Variants in PRELID2 observed in about 807,000 individuals in gnomAD.
The protein encoded by PRELID2 is PRELI domain containing 2.
Under a neutral mutation model 28.4 loss-of-function variants are expected in PRELID2, and 25 were observed. That is an observed-to-expected ratio of 0.88 (90% CI 0.64 to 1.23). The LOEUF (loss-of-function observed/expected upper bound fraction) is 1.23, where lower values mean the gene tolerates loss of function less well. PRELID2 is among the 50% of genes most tolerant of loss of function. PRELID2 has a pLI of 0.00. For missense variants in PRELID2, 201 were observed against 214.4 expected (o/e 0.94, Z 0.39); for synonymous variants, 76 against 71.6 (o/e 1.06, Z -0.31).
intron 1 of PRELID2, among the ~76,000 whole-genome samples, chr5:145,621,084 A>C (rs1753768078): frequency 6.6e-6 from 1 of 152,226 alleles, no homozygotes; most frequent in South Asian, 2.1e-4. Context: ...CTTACTACTC[A>C]GTAAAAAGAC....
chr5:145,335,597 A>G, the PRELID2 span, among the ~76,000 whole-genome samples: 2 of 152,206 alleles, frequency 1.3e-5, no homozygotes, highest in African/African-American at 4.8e-5. Context: ...TTGAGTGACC[A>G]TTTGAGTCAT....
chr5:145,661,183 A>G (rs1029282033), intron 1 of PRELID2, among the ~76,000 whole-genome samples: 1 of 152,056 alleles, frequency 6.6e-6, no homozygotes, highest in Non-Finnish European at 1.5e-5. Flanking sequence ...GGTACAAAAC[A>G]CTCTAGAATA....
At chr5:145,818,887 C>T (rs1054895468) in intron 3 of PRELID2, among the ~76,000 whole-genome samples, 7 of 152,154 alleles carry the variant, frequency 4.6e-5, no homozygotes, top group African/African-American at 1.4e-4. Context: ...CCTCCCAAAT[C>T]TCATCTTGAA....
chr5:145,562,144 A>T (rs1393881281), intron 1 of PRELID2, among the ~76,000 whole-genome samples: 1 of 152,238 alleles, frequency 6.6e-6, no homozygotes, highest in Non-Finnish European at 1.5e-5. Context: ...TAGTGGCAAA[A>T]GATGGCTTGT....
intron 4 of PRELID2, among the ~76,000 whole-genome samples, chr5:145,806,436 A>C (rs1753515302): frequency 6.6e-6 from 1 of 152,188 alleles, no homozygotes; most frequent in Admixed American, 6.5e-5. Context: ...GAAAGTCTTC[A>C]GGGGCAATAA....
intron 1 of PRELID2, among the ~76,000 whole-genome samples, chr5:145,629,278 G>C (rs1024332888): frequency 1.3e-5 from 2 of 152,220 alleles, no homozygotes; most frequent in Non-Finnish European, 2.9e-5. Context: ...TATGAGGAGA[G>C]AGTATGAGTA....
At chr5:145,640,656 A>AAAAG (rs1186055427) in intron 1 of PRELID2, among the ~76,000 whole-genome samples, 3 of 151,784 alleles carry the variant, frequency 2.0e-5, no homozygotes, top group South Asian at 2.1e-4. Context: ...AAAAAAAAAA[A>AAAAG]AAATAGAAGA....
chr5:145,572,376 A>C (rs190239382), intron 1 of PRELID2, among the ~76,000 whole-genome samples: 3 of 152,176 alleles, frequency 2.0e-5, no homozygotes, highest in Non-Finnish European at 4.4e-5. Flanking sequence ...TAACTTCCTC[A>C]GAATAAATCC....
intron 1 of PRELID2, among the ~76,000 whole-genome samples, chr5:145,668,618 T>G (rs1000007813): frequency 6.6e-6 from 1 of 152,124 alleles, no homozygotes; most frequent in Non-Finnish European, 1.5e-5. Context: ...TGTTGGGCAC[T>G]GGGCTAAGCA....
At chr5:145,240,716 C>T in the PRELID2 span, among the ~76,000 whole-genome samples, 3 of 151,978 alleles carry the variant, frequency 2.0e-5, no homozygotes, top group African/African-American at 7.2e-5. Flanking sequence ...TTTAAAGGCT[C>T]CTGTTGCTTA....
the PRELID2 span, among the ~76,000 whole-genome samples, chr5:145,239,509 T>C: frequency 6.6e-6 from 1 of 152,052 alleles, no homozygotes; most frequent in Non-Finnish European, 1.5e-5. Context: ...TTACTGAGAT[T>C]CCTCCTGAAG....
At chr5:145,347,462 A>C in the PRELID2 span, among the ~76,000 whole-genome samples, 1 of 152,186 alleles carries the variant, frequency 6.6e-6, no homozygotes, top group Non-Finnish European at 1.5e-5. Flanking sequence ...TTCCTCAAAA[A>C]TAGGGCAGAT....
intron 1 of PRELID2, among the ~76,000 whole-genome samples, chr5:145,524,849 A>G (rs559825567): frequency 5.9e-5 from 9 of 152,162 alleles, no homozygotes; most frequent in Non-Finnish European, 1.3e-4. Context: ...TTCCTCCTCT[A>G]CAAAACAGAA....
intron 1 of PRELID2, among the ~76,000 whole-genome samples, chr5:145,572,969 T>G (rs1753027693): frequency 6.6e-6 from 1 of 152,176 alleles, no homozygotes; most frequent in Non-Finnish European, 1.5e-5. Context: ...AGCCCTCTCC[T>G]GGATAGTCCA....
chr5:145,493,792 T>G (rs1176656744), intron 1 of PRELID2, among the ~76,000 whole-genome samples: 1 of 152,202 alleles, frequency 6.6e-6, no homozygotes, highest in Non-Finnish European at 1.5e-5. Flanking sequence ...ATGAGGCTTC[T>G]CCTAAAATCC....
chr5:145,757,025 A>C lies in PRELID2; in HGVS notation c.*3511T>G, dbSNP rs1305057749. Among the ~76,000 whole-genome samples, 1 of 152,208 alleles carries C rather than the reference A, an allele frequency of 6.6e-6. No homozygotes were observed. Among genetic ancestry groups the C allele is most frequent in the Non-Finnish European group, 1.5e-5 (1 of 68,036 alleles). On this transcript the variant is annotated 3_prime_UTR_variant, in exon 7 of 7. Transcript: ENST00000683046. ...GAAAAGATTTAATTATCCCCAGTAG[A>C]CTGTGTTTGCAAAAGCAGAGAAATG...
chr5:145,493,030 C>T (rs78970793), intron 1 of PRELID2, among the ~76,000 whole-genome samples: 12,053 of 140,410 alleles, frequency 0.086, 2,666 homozygotes, highest in Non-Finnish European at 0.12. Context: ...CACTATGCTG[C>T]TTAGGTTTGG....
At chr5:145,745,129 T>A (rs1409172772) in intron 1 of PRELID2, among the ~76,000 whole-genome samples, 2 of 151,930 alleles carry the variant, frequency 1.3e-5, no homozygotes, top group Non-Finnish European at 2.9e-5. Context: ...AAGACCATCT[T>A]GCTGAAATAA....
chr5:145,293,611 A>G, the PRELID2 span, among the ~76,000 whole-genome samples: 11 of 152,158 alleles, frequency 7.2e-5, no homozygotes. Context: ...CTGGTGATAA[A>G]AGGGGTTGAA....
Sources: allele counts gnomAD v4.1 joint callset (sites outside exome capture counted in the v4.1 genomes callset), GRCh38; gene constraint gnomAD v4.1.1; transcripts MANE v1.5; gene names NCBI Gene and HGNC (gene_info 2026-07-23, HGNC 2026-07-21).